ARF1: variants seen among roughly 807,000 people sequenced by gnomAD.
ARF1 encodes the protein ARF GTPase 1, also known as ADP-ribosylation factor 1.
A neutral mutation model predicts 18.0 loss-of-function variants in ARF1; 1 was observed. The ratio of observed to expected loss-of-function variants is 0.06; its 90% confidence interval spans 0.02 to 0.26. ARF1 has a LOEUF of 0.26. ARF1 is among the 10% of genes least tolerant of loss of function. ARF1 has a pLI of 1.00. For synonymous variants in ARF1, 112 were observed against 96.3 expected, an observed-to-expected ratio of 1.16 and a Z score of -0.95; for missense variants, 73 against 247.2, an observed-to-expected ratio of 0.30 and a Z score of 4.73.
At chr1:228,087,424 A>G (rs1300637817) in intron 1 of ARF1, among the ~76,000 whole-genome samples, 1 of 152,220 alleles carries the variant, frequency 6.6e-6, no homozygotes. Flanking sequence ...ATTTATATTT[A>G]AAATACTATG....
chr1:228,090,211 G>C (rs1471161064), intron 1 of ARF1, among the ~76,000 whole-genome samples: 1 of 152,220 alleles, frequency 6.6e-6, no homozygotes, highest in East Asian at 1.9e-4. Context: ...GCCCCTGGGA[G>C]TGCCTGCCCT....
intron 1 of ARF1, among the ~76,000 whole-genome samples, chr1:228,093,624 T>TAAAA (rs11420776): frequency 7.2e-6 from 1 of 138,780 alleles, no homozygotes; most frequent in Non-Finnish European, 1.5e-5. Context: ...TTTGGTCTGT[T>TAAAA]AAAAAAAAAA....
At chr1:228,083,691 G>C (rs1458003672) in intron 1 of ARF1, among the ~76,000 whole-genome samples, 1 of 152,242 alleles carries the variant, frequency 6.6e-6, no homozygotes, top group South Asian at 2.1e-4. Flanking sequence ...ACTCTAGGCC[G>C]CAGAGGCCGG....
chr1:228,098,148 T>G lies in ARF1; in HGVS notation c.*135T>G, dbSNP rs2032815527. On this transcript the variant is annotated 3_prime_UTR_variant, in exon 5 of 5. Coordinates refer to ENST00000272102, the MANE Select transcript of ARF1 (RefSeq NM_001658.4). ...TGTGCATCGCACCGTGCTGTAAATG[T>G]GGCAGACGCAGCCTGCGGCCAGGCT... is the stretch of plus-strand genomic sequence containing the variant. The G allele has an allele frequency of 9.1e-7, 1 of 1,098,388 alleles. No homozygotes were observed. Among genetic ancestry groups the G allele is most frequent in the South Asian group, 2.1e-5 (1 of 48,338 alleles). The allele number at this position is 1,098,388 out of a possible 1,614,324, so 68.0% of individuals were successfully genotyped here.
At chr1:228,095,673 G>A (rs113612894) in intron 1 of ARF1, among the ~76,000 whole-genome samples, 9 of 152,186 alleles carry the variant, frequency 5.9e-5, no homozygotes, top group East Asian at 1.9e-4. Context: ...GGTCCCAGGC[G>A]GTCCAGTTTT....
Position 228,097,498 on chromosome 1 carries a change from A to AG in ARF1, c.259+53dup, listed in dbSNP as rs751420953. On this transcript the variant is annotated intron_variant, in intron 3 of 4. Coordinates refer to ENST00000272102, the MANE Select transcript of ARF1 (RefSeq NM_001658.4). This position sits in a 1 kb window ranked among gnomAD's most constrained non-coding sequence, Gnocchi z 8.1. ...CCCATGGGCACTCCTGCTTCTAGAG[A>AG]GGGGGGGCCAGCCCATAGATGGGGC... 144 of 1,612,576 alleles carry AG rather than the reference A, an allele frequency of 8.9e-5. 2 individuals are homozygous for AG. Among genetic ancestry groups the AG allele is most frequent in the African/African-American group, 3.6e-4 (27 of 74,564 alleles).
intron 1 of ARF1, among the ~76,000 whole-genome samples, chr1:228,093,360 A>G (rs2032630574): frequency 1.3e-5 from 2 of 152,132 alleles, no homozygotes; most frequent in Non-Finnish European, 2.9e-5. Context: ...TTGGGTCTCC[A>G]TCTGTCACAG....
In ARF1 at chr1:228,085,872, A is replaced by G. The variant is rs1447384830; in HGVS notation, c.-38+3107A>G. 3.3e-5 allele frequency among the ~76,000 whole-genome samples: 5 copies of G among 152,338 alleles called. No individual in the cohort carries two copies. The East Asian group carries it at 5.8e-4, about 18-fold the overall frequency. ...TATAGTTGTGGATTGCAAAATACATATCTGGCCTGCCTCCCATTTCCTGGC... is the reference window on the plus strand; with the variant it reads ...TATAGTTGTGGATTGCAAAATACATGTCTGGCCTGCCTCCCATTTCCTGGC... On this transcript the variant is annotated intron_variant, in intron 1 of 4. Transcript: ENST00000272102.
chr1:228,096,614 G>A (rs2032756235), intron 1 of ARF1: 1 of 154,276 alleles, frequency 6.5e-6, no homozygotes. Context: ...TCGAGGCTGT[G>A]TCCTCATGGG....
At chr1:228,090,094 T>C (rs1327570650) in intron 1 of ARF1, among the ~76,000 whole-genome samples, 1 of 152,200 alleles carries the variant, frequency 6.6e-6, no homozygotes, top group African/African-American at 2.4e-5. Flanking sequence ...TGCTAGCAGA[T>C]GGTTGGGATG....
chr1:228,088,430 A>G (rs2032474341), intron 1 of ARF1, among the ~76,000 whole-genome samples: 1 of 152,154 alleles, frequency 6.6e-6, no homozygotes, highest in Non-Finnish European at 1.5e-5. Context: ...TTTGGGTGGC[A>G]GCACTGGCAC....
At chr1:228,086,689 C>T (rs1391436630) in intron 1 of ARF1, among the ~76,000 whole-genome samples, 1 of 152,102 alleles carries the variant, frequency 6.6e-6, no homozygotes, top group Non-Finnish European at 1.5e-5. Context: ...CCTCATACAC[C>T]GCCCACTGCA....
intron 1 of ARF1, among the ~76,000 whole-genome samples, chr1:228,093,565 C>T (rs1209807670): frequency 6.6e-6 from 1 of 151,004 alleles, no homozygotes; most frequent in Non-Finnish European, 1.5e-5. Context: ...CATCCTGGTT[C>T]TGCCATTCCA....
At chr1:228,085,658 G>C (rs2032369731) in intron 1 of ARF1, among the ~76,000 whole-genome samples, 1 of 152,216 alleles carries the variant, frequency 6.6e-6, no homozygotes, top group Non-Finnish European at 1.5e-5. Flanking sequence ...AAGCCTAAAT[G>C]ACAAGAGAAG....
chr1:228,084,974 G>C (rs2032347378), intron 1 of ARF1, among the ~76,000 whole-genome samples: 1 of 152,256 alleles, frequency 6.6e-6, no homozygotes, highest in South Asian at 2.1e-4. Flanking sequence ...GCTGCAGCCA[G>C]CCTGGGCTGG....
Position 228,097,301 on chromosome 1 carries a change from T to TG in ARF1, c.149-38dup. On this transcript the variant is annotated intron_variant, in intron 2 of 4. Coordinates refer to ENST00000272102, the MANE Select transcript of ARF1 (RefSeq NM_001658.4). This position sits in a 1 kb window ranked among gnomAD's most constrained non-coding sequence, Gnocchi z 8.1. ...CAGCAGGGAGTGGGCTGGGCTGGGC[T>TG]GGGCCAAGGTACAAGGCCTCACCCT... 1 of 1,610,044 alleles carries TG rather than the reference T, an allele frequency of 6.2e-7. No individual in the cohort carries two copies. The highest frequency in any genetic ancestry group is 8.5e-7 in the Non-Finnish European group (1 of 1,177,396).
rs772454881 is a variant in ARF1 at position 228,098,030 on chromosome 1, TCTCA to T, written c.*21_*24del. The T allele has an allele frequency of 2.5e-6, 4 of 1,601,194 alleles. No homozygotes were observed. The highest frequency in any genetic ancestry group is 2.6e-6 in the Non-Finnish European group (3 of 1,171,522). ...CAGAAGTGAACGCGACCCCCCTCCCTCTCACTCCTCTTGCCCTCTGCTTTACTCT... is the reference window on the plus strand; with the variant it reads ...CAGAAGTGAACGCGACCCCCCTCCCTCTCCTCTTGCCCTCTGCTTTACTCT... On this transcript the variant is annotated 3_prime_UTR_variant, in exon 5 of 5. Transcript: ENST00000272102.
intron 1 of ARF1, among the ~76,000 whole-genome samples, chr1:228,095,317 G>T (rs2032705816): frequency 6.6e-6 from 1 of 152,130 alleles, no homozygotes; most frequent in Non-Finnish European, 1.5e-5. Context: ...AGTTGCTTGT[G>T]TGTGGATCTG....
At chr1:228,086,624 G>A (rs2032411051) in intron 1 of ARF1, among the ~76,000 whole-genome samples, 1 of 152,194 alleles carries the variant, frequency 6.6e-6, no homozygotes, top group African/African-American at 2.4e-5. Flanking sequence ...CTGAATTCAT[G>A]GAGGTTCCTG....
Sources: allele counts gnomAD v4.1 joint callset (sites outside exome capture counted in the v4.1 genomes callset), GRCh38; gene constraint gnomAD v4.1.1; non-coding constraint Gnocchi (gnomAD v3.1); transcripts MANE v1.5; gene names NCBI Gene and HGNC (gene_info 2026-07-23, HGNC 2026-07-21).